Variants in PRR5L observed in about 807,000 individuals in gnomAD.
PRR5L encodes proline-rich protein 5-like.
A neutral mutation model predicts 36.4 loss-of-function variants in PRR5L; 21 were observed. The observed-to-expected ratio is 0.58, with a 90% CI of 0.41 to 0.83. The LOEUF (loss-of-function observed/expected upper bound fraction) is 0.83. Ranked by LOEUF, PRR5L falls within the 40% of genes least tolerant of loss-of-function variation. The probability of loss-of-function intolerance (pLI) is 0.00; values close to 1 mark genes in which losing one functional copy is unlikely to be tolerated. For synonymous variants in PRR5L, 188 were observed against 197.0 expected (o/e 0.95, Z 0.38); for missense variants, 381 against 473.3 (o/e 0.80, Z 1.81).
chr11:36,326,143 A>G (rs1856659780), intron 1 of PRR5L, among the ~76,000 whole-genome samples: 2 of 152,150 alleles, frequency 1.3e-5, no homozygotes, highest in African/African-American at 4.8e-5. Flanking sequence ...CTGCATACCC[A>G]TCACCCAGCT....
At chr11:36,443,934 G>A (rs142856708) in intron 6 of PRR5L, among the ~76,000 whole-genome samples, 1 of 152,310 alleles carries the variant, frequency 6.6e-6, no homozygotes, top group African/African-American at 2.4e-5. Flanking sequence ...ATACACTGTT[G>A]CTGGGAGTAC....
chr11:36,383,754 G>T lies in PRR5L; in HGVS notation c.-125-17243G>T, dbSNP rs1462391607. Among the ~76,000 whole-genome samples the T allele has an allele frequency of 4.2e-5, 6 of 143,904 alleles. No individual in the cohort carries two copies. The East Asian group carries it at 1.3e-3, about 31-fold the overall frequency. 94.4% of individuals were successfully genotyped at this position (143,904 alleles called of 152,430 possible). A position where few individuals can be genotyped will look rare whatever the true frequency, so the allele number is the denominator to read the frequency against. On this transcript the variant is annotated intron_variant, in intron 1 of 8. Coordinates refer to ENST00000530639, the MANE Select transcript of PRR5L (RefSeq NM_001160167.2). ...TCTGTCACCCAGGCTGGAGTGCAAT[G>T]GTGTGATCACGGATCACTGCAATCA...
intron 3 of PRR5L, among the ~76,000 whole-genome samples, chr11:36,404,620 C>T (rs1857872471): frequency 6.6e-6 from 1 of 152,028 alleles, no homozygotes; most frequent in Non-Finnish European, 1.5e-5. Context: ...ATGTTAAGTG[C>T]AGAACTTCAA....
intron 3 of PRR5L, among the ~76,000 whole-genome samples, chr11:36,418,041 T>A (rs893519291): frequency 2.0e-5 from 3 of 152,332 alleles, no homozygotes; most frequent in Admixed American, 2.0e-4. Context: ...ATCCCTATTT[T>A]CCATTTGTAT....
At chr11:36,363,575 T>C (rs1251194415) in intron 1 of PRR5L, among the ~76,000 whole-genome samples, 3 of 152,176 alleles carry the variant, frequency 2.0e-5, no homozygotes, top group Non-Finnish European at 4.4e-5. Flanking sequence ...CTTTGAGAGA[T>C]GAATCAACCC....
chr11:36,324,973 A>G (rs1454906047), intron 1 of PRR5L, among the ~76,000 whole-genome samples: 1 of 152,112 alleles, frequency 6.6e-6, no homozygotes, highest in Non-Finnish European at 1.5e-5. Context: ...ATTTTTCATG[A>G]TGATGTTACC....
chr11:36,454,510 C>T (rs183709757), intron 8 of PRR5L, among the ~76,000 whole-genome samples: 2 of 152,216 alleles, frequency 1.3e-5, no homozygotes, highest in South Asian at 2.1e-4. Flanking sequence ...AGGGCTTTGC[C>T]GTGGCTCACT....
intron 5 of PRR5L, among the ~76,000 whole-genome samples, chr11:36,435,351 C>T (rs765968482): frequency 3.3e-5 from 5 of 152,032 alleles, no homozygotes; most frequent in Non-Finnish European, 7.4e-5. Flanking sequence ...CATTACAGGC[C>T]CTCATGGAGC....
intron 1 of PRR5L, among the ~76,000 whole-genome samples, chr11:36,367,058 C>G (rs1240827110): frequency 6.6e-6 from 1 of 152,068 alleles, no homozygotes; most frequent in African/African-American, 2.4e-5. Context: ...TGTTCCTTAT[C>G]TTGATTTTAT....
At chr11:36,336,529 CTTTTTT>C (rs36024089) in intron 1 of PRR5L, among the ~76,000 whole-genome samples, 3 of 104,264 alleles carry the variant, frequency 2.9e-5, no homozygotes, top group Admixed American at 2.1e-4. Flanking sequence ...CGCGCCTGGC[CTTTTTT>C]TTTTTTTTTT....
chr11:36,461,262 TG>T (rs1174973466), intron 8 of PRR5L, among the ~76,000 whole-genome samples: 12 of 152,146 alleles, frequency 7.9e-5, no homozygotes, highest in Non-Finnish European at 1.6e-4. Flanking sequence ...GGTTCAGTTT[TG>T]GGGGGGATTC....
intron 1 of PRR5L, chr11:36,380,408 A>G (rs1245237655): frequency 6.6e-6 from 1 of 152,042 alleles, no homozygotes; most frequent in Non-Finnish European, 1.5e-5. Flanking sequence ...TTTATAGTCA[A>G]TATAAATTAG....
chr11:36,343,917 T>A (rs182040194), intron 1 of PRR5L, among the ~76,000 whole-genome samples: 184 of 152,148 alleles, frequency 1.2e-3, no homozygotes, highest in African/African-American at 4.3e-3. Context: ...TTTTTTTTTT[T>A]TAAAATATCA....
intron 1 of PRR5L, among the ~76,000 whole-genome samples, chr11:36,318,393 T>C (rs1055096626): frequency 6.6e-6 from 1 of 152,196 alleles, no homozygotes; most frequent in African/African-American, 2.4e-5. Context: ...TTCCCACTAA[T>C]ATCTACTAGT....
chr11:36,427,434 G>T (rs1858405803), intron 4 of PRR5L, among the ~76,000 whole-genome samples: 1 of 152,108 alleles, frequency 6.6e-6, no homozygotes, highest in African/African-American at 2.4e-5. Context: ...AGTGGGACAA[G>T]AGAAACTTGG....
chr11:36,340,443 C>T (rs1435951357), intron 1 of PRR5L, among the ~76,000 whole-genome samples: 1 of 152,172 alleles, frequency 6.6e-6, no homozygotes, highest in African/African-American at 2.4e-5. Context: ...AATAATGATA[C>T]AGAGTGCGCA....
intron 8 of PRR5L, among the ~76,000 whole-genome samples, chr11:36,460,293 C>T (rs565479692): frequency 2.7e-4 from 41 of 152,260 alleles, no homozygotes; most frequent in Non-Finnish European, 4.7e-4. Flanking sequence ...GTCTGTCAGC[C>T]GGTGGAGGTT....
intron 1 of PRR5L, among the ~76,000 whole-genome samples, chr11:36,383,405 C>A (rs932328720): frequency 2.0e-5 from 3 of 152,194 alleles, no homozygotes. Context: ...AAACTGGCAG[C>A]CCGTGGGCCA....
Position 36,464,311 on chromosome 11 carries a change from C to T in PRR5L, c.*1575C>T, listed in dbSNP as rs1463399546. 6.6e-6 allele frequency: 1 copy of T among 152,202 alleles called. No homozygotes were observed. The highest frequency in any genetic ancestry group is 1.9e-4 in the East Asian group (1 of 5,194). The allele number at this position is 152,202 out of a possible 1,614,324, so 9.4% of individuals were successfully genotyped here. On this transcript the variant is annotated 3_prime_UTR_variant, in exon 9 of 9. Coordinates refer to ENST00000530639, the MANE Select transcript of PRR5L (RefSeq NM_001160167.2). ...GTGCTGGGAGAAGGTGAAGATCAGTCTAAGCTGCCACGGTGATGAGACCTT... is the reference window on the plus strand; with the variant it reads ...GTGCTGGGAGAAGGTGAAGATCAGTTTAAGCTGCCACGGTGATGAGACCTT...
Sources: gnomAD v4.1 joint callset for allele counts (sites outside exome capture counted in the v4.1 genomes callset) on GRCh38, gnomAD v4.1.1 for gene constraint, MANE v1.5 for transcripts, NCBI Gene and HGNC (gene_info 2026-07-23, HGNC 2026-07-21) for gene names.